Variants in CRY1 observed in about 807,000 individuals in gnomAD.
The protein encoded by CRY1 is cryptochrome-1.
Under a neutral mutation model 76.0 loss-of-function variants are expected in CRY1, and 45 were observed. The ratio of observed to expected loss-of-function variants is 0.59; its 90% CI spans 0.47 to 0.76. The LOEUF (loss-of-function observed/expected upper bound fraction) is 0.76. Among genes scored for constraint, CRY1 ranks in the 30% least tolerant of loss-of-function variants. CRY1 has a pLI of 0.00. For synonymous variants in CRY1, 248 were observed against 244.0 expected, an observed-to-expected ratio of 1.02 and a Z score of -0.15; for missense variants, 587 against 716.4, an observed-to-expected ratio of 0.82 and a Z score of 2.06.
intron 1 of CRY1, among the ~76,000 whole-genome samples, chr12:107,057,410 C>A (rs985875310): frequency 6.6e-6 from 1 of 152,182 alleles, no homozygotes; most frequent in Non-Finnish European, 1.5e-5. Flanking sequence ...CCTACCCACT[C>A]GTGAATGAGT....
At chr12:107,009,372 C>G (rs931570796) in intron 2 of CRY1, among the ~76,000 whole-genome samples, 1 of 151,380 alleles carries the variant, frequency 6.6e-6, no homozygotes, top group Admixed American at 6.6e-5. Flanking sequence ...AACCCCGTCT[C>G]CAATAAAGAT....
At chr12:107,032,952 G>A (rs1457054794) in intron 1 of CRY1, among the ~76,000 whole-genome samples, 1 of 151,986 alleles carries the variant, frequency 6.6e-6, no homozygotes, top group Admixed American at 6.6e-5. Flanking sequence ...AAATTCGTGA[G>A]AAACAGCAAA....
intron 1 of CRY1, among the ~76,000 whole-genome samples, chr12:107,036,211 G>T (rs11830777): frequency 1.6e-3 from 241 of 152,296 alleles, no homozygotes; most frequent in African/African-American, 5.3e-3. Context: ...ACTGCAAAGA[G>T]AGCTGAGAAT....
chr12:107,016,799 CAT>C (rs1952501961), intron 2 of CRY1, among the ~76,000 whole-genome samples: 1 of 152,194 alleles, frequency 6.6e-6, no homozygotes, highest in South Asian at 2.1e-4. Flanking sequence ...CTTGTTCCTC[CAT>C]AGTCTGTTAT....
intron 1 of CRY1, 52 bp downstream of exon 1, chr12:107,092,752 A>G: frequency 1.9e-6 from 3 of 1,602,456 alleles, no homozygotes; most frequent in Non-Finnish European, 2.6e-6. Context: ...GAATTCATTA[A>G]CATCAGACTC....
intron 1 of CRY1, among the ~76,000 whole-genome samples, chr12:107,087,597 C>T (rs1480032363): frequency 3.3e-5 from 5 of 152,276 alleles, no homozygotes; most frequent in Non-Finnish European, 7.3e-5. Context: ...GTCTGTTCCA[C>T]CATTGTATCT....
At chr12:107,012,436 T>C (rs1219140470) in intron 2 of CRY1, among the ~76,000 whole-genome samples, 1 of 152,240 alleles carries the variant, frequency 6.6e-6, no homozygotes, top group African/African-American at 2.4e-5. Flanking sequence ...TTAAGCTCTC[T>C]GTTGAGACCT....
intron 1 of CRY1, among the ~76,000 whole-genome samples, chr12:107,082,566 A>G (rs1449042833): frequency 6.6e-6 from 1 of 152,214 alleles, no homozygotes; most frequent in Non-Finnish European, 1.5e-5. Flanking sequence ...AACTACATGG[A>G]AACTGAACAA....
chr12:107,008,418 C>G (rs147859325), intron 2 of CRY1, among the ~76,000 whole-genome samples: 2 of 152,068 alleles, frequency 1.3e-5, no homozygotes, highest in Non-Finnish European at 2.9e-5. Flanking sequence ...AGTGGCAATA[C>G]AGAGGTAAAT....
At position 107,092,954 on chromosome 12, in the gene CRY1, AC is replaced by A; in HGVS notation, c.7del (p.Val3Ter). On this transcript the variant is annotated frameshift_variant, in exon 1 of 13. Transcript: ENST00000008527. LOFTEE classifies it high-confidence loss of function. MGVNAVHWFRKGL... is the reference protein window; with the variant it reads MGXNAVHWFRKGL... Reference sequence around the variant, plus strand: ...CTTTCGGAACCAGTGCACGGCGTTCACCCCCATGCCGGGGGGCGCGGCGGGT... The same window carrying A: ...CTTTCGGAACCAGTGCACGGCGTTCACCCCATGCCGGGGGGCGCGGCGGGT... 6.4e-7 allele frequency: 1 copy of A among 1,553,148 alleles called. No individual in the cohort carries two copies. The highest frequency in any genetic ancestry group is 2.3e-5 in the East Asian group (1 of 43,864).
chr12:107,011,181 TA>T (rs748798225), intron 2 of CRY1, among the ~76,000 whole-genome samples: 1 of 151,992 alleles, frequency 6.6e-6, no homozygotes, highest in Non-Finnish European at 1.5e-5. Flanking sequence ...CTGTCTCTAC[TA>T]AAAACAAACA....
At chr12:107,092,150 G>A (rs1175984191) in intron 1 of CRY1, among the ~76,000 whole-genome samples, 1 of 152,136 alleles carries the variant, frequency 6.6e-6, no homozygotes. Flanking sequence ...CAATCATGTA[G>A]CCTGGTGTTT....
intron 1 of CRY1, among the ~76,000 whole-genome samples, chr12:107,030,952 G>GTA (rs1028753491): frequency 2.0e-5 from 3 of 152,120 alleles, no homozygotes; most frequent in Admixed American, 6.5e-5. Flanking sequence ...CCTGGGGACT[G>GTA]TAAGTATTAT....
At chr12:107,060,682 C>T (rs951516798) in intron 1 of CRY1, among the ~76,000 whole-genome samples, 7 of 152,118 alleles carry the variant, frequency 4.6e-5, no homozygotes, top group Admixed American at 4.6e-4. Context: ...AAACTATGAC[C>T]TTTTAACTCT....
At chr12:107,071,248 C>A (rs1953187862) in intron 1 of CRY1, among the ~76,000 whole-genome samples, 1 of 152,050 alleles carries the variant, frequency 6.6e-6, no homozygotes, top group South Asian at 2.1e-4. Context: ...GACTTTTGAG[C>A]TGATTTGGTA....
At chr12:107,037,786 G>A (rs149854050) in intron 1 of CRY1, among the ~76,000 whole-genome samples, 238 of 152,190 alleles carry the variant, frequency 1.6e-3, no homozygotes, top group African/African-American at 5.2e-3. Context: ...ATAGCTCACT[G>A]CAGCCTCAAA....
At chr12:107,017,943 C>G (rs1253971272) in intron 2 of CRY1, among the ~76,000 whole-genome samples, 1 of 152,218 alleles carries the variant, frequency 6.6e-6, no homozygotes, top group Non-Finnish European at 1.5e-5. Flanking sequence ...CATATCACCA[C>G]CTGACATTGC....
At chr12:107,001,695 G>C in intron 4 of CRY1, 69 bp downstream of exon 4, 2 of 1,353,826 alleles carry the variant, frequency 1.5e-6, no homozygotes, top group Non-Finnish European at 2.0e-6. Context: ...AAAATTAAAA[G>C]GGGAATTTTC....
intron 1 of CRY1, among the ~76,000 whole-genome samples, chr12:107,028,620 A>T (rs1026978407): frequency 6.6e-6 from 1 of 152,218 alleles, no homozygotes; most frequent in African/African-American, 2.4e-5. Flanking sequence ...GAAAGTCATT[A>T]ATATTTTAAA....
Sources: gnomAD v4.1 joint callset for allele counts (sites outside exome capture counted in the v4.1 genomes callset) on GRCh38, gnomAD v4.1.1 for gene constraint, MANE v1.5 for transcripts, NCBI Gene and HGNC (gene_info 2026-07-23, HGNC 2026-07-21) for gene names.